Variants in RABGAP1L observed in about 807,000 individuals in gnomAD.
RABGAP1L encodes the protein RAB GTPase activating protein 1 like, also known as rab GTPase-activating protein 1-like.
In RABGAP1L, 63 loss-of-function variants were observed where a neutral mutation model predicts 137.7. That is an observed-to-expected ratio of 0.46 (90% CI 0.37 to 0.56). The LOEUF (loss-of-function observed/expected upper bound fraction) is 0.56, where lower values mean the gene tolerates loss of function less well. Among genes scored for constraint, RABGAP1L ranks in the 20% least tolerant of loss-of-function variants. RABGAP1L has a pLI of 0.00. For missense variants in RABGAP1L, 1,095 were observed against 1,244.0 expected (o/e 0.88, Z 1.80); for synonymous variants, 431 against 433.7 (o/e 0.99, Z 0.08).
At chr1:174,215,937 A>C (rs1669284395) in intron 1 of RABGAP1L, among the ~76,000 whole-genome samples, 1 of 152,210 alleles carries the variant, frequency 6.6e-6, no homozygotes, top group African/African-American at 2.4e-5. Flanking sequence ...AAATGTATAC[A>C]TATACAGTGG....
intron 20 of RABGAP1L, among the ~76,000 whole-genome samples, chr1:174,963,827 C>G (rs1440836149): frequency 6.6e-6 from 1 of 151,990 alleles, no homozygotes; most frequent in Non-Finnish European, 1.5e-5. Context: ...ACCTGCAAAG[C>G]CTAATATAGT....
At chr1:174,446,487 G>A (rs914760998) in intron 13 of RABGAP1L, among the ~76,000 whole-genome samples, 1 of 152,202 alleles carries the variant, frequency 6.6e-6, no homozygotes, top group African/African-American at 2.4e-5. Flanking sequence ...AAGAATGACA[G>A]GAGACTCTCT....
chr1:174,391,847 C>G (rs1687230285), intron 12 of RABGAP1L, among the ~76,000 whole-genome samples: 1 of 152,078 alleles, frequency 6.6e-6, no homozygotes, highest in African/African-American at 2.4e-5. Flanking sequence ...AGGAAATGAC[C>G]TTTGCTCTTT....
intron 17 of RABGAP1L, among the ~76,000 whole-genome samples, chr1:174,749,740 A>G (rs1317217552): frequency 1.3e-5 from 2 of 152,192 alleles, no homozygotes; most frequent in Non-Finnish European, 2.9e-5. Flanking sequence ...CATCCTAAAA[A>G]GGTTCTAGAC....
chr1:174,645,035 G>A (rs951402017), intron 14 of RABGAP1L, among the ~76,000 whole-genome samples: 1 of 151,904 alleles, frequency 6.6e-6, no homozygotes, highest in African/African-American at 2.4e-5. Flanking sequence ...TTGTTTTAGG[G>A]ATTTTTGTTA....
chr1:174,536,685 A>G (rs1387111069), intron 13 of RABGAP1L, among the ~76,000 whole-genome samples: 4 of 152,142 alleles, frequency 2.6e-5, no homozygotes, highest in Admixed American at 2.6e-4. Flanking sequence ...ATCTTTTGGA[A>G]ATCATCTTTT....
At chr1:174,667,103 G>GT (rs1340976086) in intron 14 of RABGAP1L, among the ~76,000 whole-genome samples, 1 of 151,826 alleles carries the variant, frequency 6.6e-6, no homozygotes. Flanking sequence ...TGTTTCCTAA[G>GT]TTTTATCCTG....
intron 13 of RABGAP1L, among the ~76,000 whole-genome samples, chr1:174,522,574 G>GA (rs972682000): frequency 4.6e-5 from 7 of 150,906 alleles, no homozygotes; most frequent in South Asian, 4.2e-4. Flanking sequence ...CGAGGGAAGG[G>GA]AAAAAAAAGA....
chr1:174,637,987 T>A (rs1033663819), intron 14 of RABGAP1L, among the ~76,000 whole-genome samples: 1 of 152,212 alleles, frequency 6.6e-6, no homozygotes, highest in Non-Finnish European at 1.5e-5. Flanking sequence ...TCATTATAAG[T>A]AGGCCTGGAA....
At chr1:174,375,577 G>C (rs1341545776) in intron 12 of RABGAP1L, among the ~76,000 whole-genome samples, 2 of 152,022 alleles carry the variant, frequency 1.3e-5, no homozygotes, top group Non-Finnish European at 2.9e-5. Context: ...AATATTATAA[G>C]CAACTCACTG....
At chr1:174,982,695 C>A in intron 23 of RABGAP1L, 139 bp from the exon 24 acceptor site, 1 of 773,944 alleles carries the variant, frequency 1.3e-6, no homozygotes, top group Non-Finnish European at 2.1e-6. Context: ...AAATGACTGG[C>A]ATTTGCAGTG....
At chr1:174,210,630 T>TA (rs1307840850) in intron 1 of RABGAP1L, among the ~76,000 whole-genome samples, 1 of 152,130 alleles carries the variant, frequency 6.6e-6, no homozygotes, top group African/African-American at 2.4e-5. Context: ...ATCTAAAAGT[T>TA]ATTGGCCTTA....
chr1:174,498,803 G>T (rs538780391), intron 13 of RABGAP1L, among the ~76,000 whole-genome samples: 3 of 151,624 alleles, frequency 2.0e-5, no homozygotes, highest in Non-Finnish European at 4.4e-5. Context: ...GAGCCACCGC[G>T]CCTGGCCTGA....
chr1:174,354,007 C>T (rs1256777742), intron 11 of RABGAP1L, among the ~76,000 whole-genome samples: 1 of 152,172 alleles, frequency 6.6e-6, no homozygotes, highest in Non-Finnish European at 1.5e-5. Context: ...ACTTCCTTGA[C>T]TATCTGATTT....
At chr1:174,420,597 T>C (rs1651141853) in intron 13 of RABGAP1L, among the ~76,000 whole-genome samples, 1 of 152,118 alleles carries the variant, frequency 6.6e-6, no homozygotes, top group Non-Finnish European at 1.5e-5. Flanking sequence ...ATTTATAAAC[T>C]AGCTTTTAAT....
intron 13 of RABGAP1L, chr1:174,547,842 G>A (rs190670221): frequency 6.6e-7 from 1 of 1,526,146 alleles, no homozygotes; most frequent in South Asian, 1.2e-5. Context: ...TTTAGCAACA[G>A]ATGAAATTTA....
Position 174,643,409 on chromosome 1 carries a change from G to T in RABGAP1L, c.1824+5921G>T, listed in dbSNP as rs187145867. Among the ~76,000 whole-genome samples, 173 of 152,200 alleles carry T rather than the reference G, an allele frequency of 1.1e-3. 1 individual carries two copies. Among genetic ancestry groups the T allele is most frequent in the Non-Finnish European group, 1.8e-3 (124 of 68,030 alleles). ...AATATGGGCTGCCAAGAAATCCTTTGAACCCCTGGGGCCACCTGCTTTGCC... is the reference window on the plus strand; with the variant it reads ...AATATGGGCTGCCAAGAAATCCTTTTAACCCCTGGGGCCACCTGCTTTGCC... On this transcript the variant is annotated intron_variant, in intron 14 of 25. Transcript: ENST00000681986.
chr1:174,526,012 C>T (rs1170498391), intron 13 of RABGAP1L, among the ~76,000 whole-genome samples: 1 of 152,080 alleles, frequency 6.6e-6, no homozygotes. Context: ...ATTTGATTTT[C>T]GTTTCCCTGA....
chr1:174,849,099 G>A (rs982354694), intron 19 of RABGAP1L, among the ~76,000 whole-genome samples: 6 of 152,080 alleles, frequency 3.9e-5, no homozygotes, highest in Non-Finnish European at 7.4e-5. Context: ...CGCACGGTGC[G>A]TGCACCCACT....
Sources: gnomAD v4.1 joint callset for allele counts (sites outside exome capture counted in the v4.1 genomes callset) on GRCh38, gnomAD v4.1.1 for gene constraint, MANE v1.5 for transcripts, NCBI Gene and HGNC (gene_info 2026-07-23, HGNC 2026-07-21) for gene names.